ATIC: variants seen among roughly 807,000 people sequenced by gnomAD.
ATIC encodes the protein 5-aminoimidazole-4-carboxamide ribonucleotide formyltransferase/IMP cyclohydrolase.
A neutral mutation model predicts 72.5 loss-of-function variants in ATIC; 64 were observed. The ratio of observed to expected loss-of-function variants is 0.88; its 90% CI spans 0.72 to 1.09. The LOEUF (loss-of-function observed/expected upper bound fraction) is 1.09. Ranked by LOEUF, ATIC falls within the 50% of genes least tolerant of loss-of-function variation. ATIC has a pLI of 0.00. For missense variants in ATIC, 787 were observed against 732.4 expected, an observed-to-expected ratio of 1.07 and a Z score of -0.86; for synonymous variants, 281 against 267.1, an observed-to-expected ratio of 1.05 and a Z score of -0.51.
downstream of ATIC, among the ~76,000 whole-genome samples, chr2:215,353,056 G>C (rs959703755): frequency 7.2e-5 from 11 of 152,136 alleles, no homozygotes; most frequent in Non-Finnish European, 1.5e-4. Flanking sequence ...TCTTCCTGCA[G>C]GTTTATAAAT....
rs2052952122 is a variant in ATIC, at chr2:215,336,132, C to T, written c.1098+8C>T. The T allele has an allele frequency of 1.7e-5, 27 of 1,595,062 alleles. No homozygotes were observed. The highest frequency in any genetic ancestry group is 2.3e-5 in the Non-Finnish European group (27 of 1,162,952). Reference sequence around the variant, plus strand: ...AACTATTGTGTCCTTCAGGTGAGTGCAATTCATGTTTGAAGCGGTAATTTG... The same window carrying T: ...AACTATTGTGTCCTTCAGGTGAGTGTAATTCATGTTTGAAGCGGTAATTTG... On this transcript the variant is annotated splice_region_variant and intron_variant, in intron 11 of 15. Transcript: ENST00000236959.
At chr2:215,339,021 C>G (rs542569581) in intron 12 of ATIC, 114 bp downstream of exon 12, 3 of 1,385,864 alleles carry the variant, frequency 2.2e-6, no homozygotes, top group South Asian at 2.4e-5. Flanking sequence ...TGTATGCACA[C>G]GGCTAGCTAG....
intron 14 of ATIC, chr2:215,348,570 CT>C: frequency 2.8e-6 from 1 of 360,432 alleles, no homozygotes; most frequent in Non-Finnish European, 5.3e-6. Context: ...ATTTGGTAAA[CT>C]TAGAATCACT....
At chr2:215,326,424 G>A (rs1448051061) in intron 6 of ATIC, among the ~76,000 whole-genome samples, 1 of 152,066 alleles carries the variant, frequency 6.6e-6, no homozygotes, top group Non-Finnish European at 1.5e-5. Flanking sequence ...GGCCAATGTG[G>A]TGAAACCCTG....
At chr2:215,322,439 C>T (rs957157095) in intron 4 of ATIC, among the ~76,000 whole-genome samples, 1 of 149,694 alleles carries the variant, frequency 6.7e-6, no homozygotes, top group African/African-American at 2.5e-5. Context: ...AAGCGATTCT[C>T]ATGCCTCAGC....
Position 215,312,638 on chromosome 2 carries a change from A to G in ATIC, c.146+14A>G, listed in dbSNP as rs781116711. On this transcript the variant is annotated intron_variant, in intron 2 of 15. Transcript: ENST00000236959. ...TCTGGCAGTCAGGTAAGGCATAGCT[A>G]GTTCCATCAGAAAGGAGTGTGATCA... 1.2e-6 allele frequency: 2 copies of G among 1,614,160 alleles called. No homozygotes were observed. The highest frequency in any genetic ancestry group is 1.7e-6 in the Non-Finnish European group (2 of 1,180,026).
Position 215,349,614 on chromosome 2 carries a change from A to G in ATIC, c.1738A>G (p.Ile580Val). The change falls in exon 16 of 16, where the codon ATC becomes GTC. Residue 580 changes from isoleucine (I) to valine (V), a missense_variant. Transcript: ENST00000236959. ...VVIEACDELG[I>V]ILAHTNLRLF... Reference sequence around the variant, plus strand: ...GATTGAGGCCTGCGACGAACTGGGAATCATCCTCGCTCATACGAACCTTCG... The same window carrying G: ...GATTGAGGCCTGCGACGAACTGGGAGTCATCCTCGCTCATACGAACCTTCG... 1.9e-6 allele frequency: 3 copies of G among 1,614,128 alleles called. No individual in the cohort carries two copies. The highest frequency in any genetic ancestry group is 2.5e-6 in the Non-Finnish European group (3 of 1,180,030).
At chr2:215,313,646 T>G (rs1336940295) in intron 2 of ATIC, among the ~76,000 whole-genome samples, 2 of 152,206 alleles carry the variant, frequency 1.3e-5, no homozygotes, top group Non-Finnish European at 2.9e-5. Flanking sequence ...AAAATTTGCT[T>G]CTTGGTTTCT....
At chr2:215,340,938 C>T (rs965131088) in intron 12 of ATIC, among the ~76,000 whole-genome samples, 3 of 152,150 alleles carry the variant, frequency 2.0e-5, no homozygotes, top group African/African-American at 2.4e-5. Flanking sequence ...GCTGTCTGTC[C>T]GCTCTGCCCA....
intron 7 of ATIC, among the ~76,000 whole-genome samples, chr2:215,327,928 C>T (rs1380980217): frequency 6.6e-6 from 1 of 151,542 alleles, no homozygotes; most frequent in Non-Finnish European, 1.5e-5. Context: ...AACGGAGTCT[C>T]GCTCTGTCAC....
intron 2 of ATIC, 123 bp from the exon 3 acceptor site, chr2:215,318,034 A>C: frequency 1.2e-6 from 1 of 861,916 alleles, no homozygotes; most frequent in South Asian, 1.4e-5. Flanking sequence ...ACTTTAAAAA[A>C]TCAGAATTTT....
chr2:215,319,772 A>G (rs779099499), intron 4 of ATIC, 41 bp downstream of exon 4: 6 of 1,481,094 alleles, frequency 4.1e-6, no homozygotes, highest in Non-Finnish European at 5.7e-6. Flanking sequence ...TTACGAACCA[A>G]CGACAAAGAC....
In ATIC at chr2:215,312,102, G is replaced by T. The variant is rs1309087031; in HGVS notation, c.-41G>T. On this transcript the variant is annotated 5_prime_UTR_variant, in exon 1 of 16. Coordinates refer to ENST00000236959, the MANE Select transcript of ATIC (RefSeq NM_004044.7). ...TCCTACCTGCGCACGTGGTGCCGCC[G>T]CTGCTGCCTCCCGCTCGCCCTGAAC... 2 of 1,530,056 alleles carry T rather than the reference G, an allele frequency of 1.3e-6. No individual in the cohort carries two copies. Among genetic ancestry groups the T allele is most frequent in the South Asian group, 2.4e-5 (2 of 83,212 alleles). 94.8% of individuals were successfully genotyped at this position (1,530,056 alleles called of 1,614,324 possible).
intron 3 of ATIC, 70 bp from the exon 4 acceptor site, chr2:215,319,595 T>A: frequency 1.8e-6 from 2 of 1,139,036 alleles, no homozygotes; most frequent in Non-Finnish European, 2.7e-6. Context: ...GAAGACACTA[T>A]GTTGAAAGAC....
chr2:215,363,793 G>A, the ATIC span, among the ~76,000 whole-genome samples: 1 of 152,228 alleles, frequency 6.6e-6, no homozygotes, highest in Non-Finnish European at 1.5e-5. Context: ...TTTGAAATTT[G>A]AAATCATATT....
the ATIC span, chr2:215,364,511 G>T: frequency 5.9e-6 from 2 of 336,244 alleles, no homozygotes; most frequent in African/African-American, 4.2e-5. Context: ...AATTTGAATA[G>T]TATCTCTGCT....
At position 215,336,116 on chromosome 2, in the gene ATIC, G is replaced by A. The variant is rs1227346895; in HGVS notation, c.1090G>A (p.Val364Ile). The change falls in exon 11 of 16, where the codon GTC becomes ATC. Residue 364 changes from valine to isoleucine, a missense_variant. Coordinates refer to ENST00000236959, the MANE Select transcript of ATIC (RefSeq NM_004044.7). The part of the protein sequence containing the change: ...LSKKKNGNYC[V>I]LQMDQSYKPD... ...CAAAAAGAAAAATGGAAACTATTGT[G>A]TCCTTCAGGTGAGTGCAATTCATGT... 6.2e-7 allele frequency: 1 copy of A among 1,609,340 alleles called. No homozygotes were observed. The highest frequency in any genetic ancestry group is 1.3e-5 in the African/African-American group (1 of 74,808).
At chr2:215,320,054 C>A (rs1344580148) in intron 4 of ATIC, among the ~76,000 whole-genome samples, 1 of 152,066 alleles carries the variant, frequency 6.6e-6, no homozygotes, top group Non-Finnish European at 1.5e-5. Context: ...GTTGAGCGTC[C>A]CTCAGAAATC....
chr2:215,368,097 C>G, the ATIC span: 1 of 1,475,466 alleles, frequency 6.8e-7, no homozygotes, highest in African/African-American at 1.4e-5. Context: ...AGAAGAAAAT[C>G]GAATGACTGT....
Sources: allele counts gnomAD v4.1 joint callset (sites outside exome capture counted in the v4.1 genomes callset), GRCh38; gene constraint gnomAD v4.1.1; transcripts MANE v1.5; gene names NCBI Gene and HGNC (gene_info 2026-07-23, HGNC 2026-07-21).